Variants in TNFRSF19 observed in about 807,000 individuals in gnomAD.
The protein encoded by TNFRSF19 is tumor necrosis factor receptor superfamily member 19.
TNFRSF19 carries 27 observed loss-of-function variants against 46.4 expected under a neutral mutation model. That is an observed-to-expected ratio of 0.58 (90% CI 0.43 to 0.80). TNFRSF19 has a LOEUF of 0.80. TNFRSF19 is among the 30% of genes least tolerant of loss of function. TNFRSF19 has a pLI of 0.00. For synonymous variants in TNFRSF19, 204 were observed against 205.0 expected (o/e 1.00, Z 0.04); for missense variants, 511 against 530.8 (o/e 0.96, Z 0.37).
At chr13:23,591,601 C>A (rs570075713) in intron 2 of TNFRSF19, among the ~76,000 whole-genome samples, 5 of 151,920 alleles carry the variant, frequency 3.3e-5, no homozygotes, top group African/African-American at 9.7e-5. Flanking sequence ...ATTTCTTTCT[C>A]TTTACGGTCT....
In TNFRSF19 at chr13:23,642,713, C is replaced by T. The variant is rs562895901; in HGVS notation, c.445+15921C>T. 1.6e-3 allele frequency among the ~76,000 whole-genome samples: 248 copies of T among 152,278 alleles called. 1 individual carries two copies. The South Asian group carries it at 0.017, about 10-fold the overall frequency. ...AGTGGAGGGAGGCTCTATCTAAATC[C>T]TTTTAGAAATTTAAACTATGATCCC... On this transcript the variant is annotated intron_variant, in intron 5 of 9. Transcript: ENST00000248484.
chr13:23,592,251 C>G (rs1879362316), intron 2 of TNFRSF19, among the ~76,000 whole-genome samples: 1 of 152,098 alleles, frequency 6.6e-6, no homozygotes, highest in Admixed American at 6.5e-5. Context: ...CCAGTTCCTC[C>G]TAAGATTTTC....
At chr13:23,587,613 A>C (rs1430705698) in intron 1 of TNFRSF19, among the ~76,000 whole-genome samples, 1 of 152,202 alleles carries the variant, frequency 6.6e-6, no homozygotes, top group Non-Finnish European at 1.5e-5. Context: ...CCTGAATGGC[A>C]GGAGTCACTG....
intron 3 of TNFRSF19, among the ~76,000 whole-genome samples, chr13:23,615,647 C>T (rs534676860): frequency 6.6e-6 from 1 of 152,202 alleles, no homozygotes; most frequent in South Asian, 2.1e-4. Flanking sequence ...CTCATGCTCA[C>T]GGCTTCTTGA....
At chr13:23,624,823 T>C (rs375608706) in intron 4 of TNFRSF19, among the ~76,000 whole-genome samples, 19 of 152,080 alleles carry the variant, frequency 1.2e-4, no homozygotes, top group East Asian at 7.7e-4. Flanking sequence ...CGATCTTGGC[T>C]CACTGCAACC....
At chr13:23,634,025 A>C (rs1212462481) in intron 5 of TNFRSF19, among the ~76,000 whole-genome samples, 2 of 152,216 alleles carry the variant, frequency 1.3e-5, no homozygotes, top group African/African-American at 4.8e-5. Flanking sequence ...CCCTAATTTC[A>C]TTAAAGTTAC....
At chr13:23,622,946 AT>A (rs997682184) in intron 4 of TNFRSF19, among the ~76,000 whole-genome samples, 10 of 152,152 alleles carry the variant, frequency 6.6e-5, no homozygotes, top group Admixed American at 1.3e-4. Context: ...TTGTATATGC[AT>A]TTTTTTATTG....
chr13:23,593,529 T>A, intron 3 of TNFRSF19, 74 bp downstream of exon 3: 1 of 1,009,000 alleles, frequency 9.9e-7, no homozygotes, highest in Non-Finnish European at 1.5e-6. Context: ...TTCTTTGAGT[T>A]AATTATTAAT....
chr13:23,638,094 C>A (rs1593276998), intron 5 of TNFRSF19, among the ~76,000 whole-genome samples: 1 of 110,174 alleles, frequency 9.1e-6, no homozygotes, highest in South Asian at 2.6e-4. Flanking sequence ...TTTATGGTGT[C>A]TTTTCTGTTT....
chr13:23,626,185 A>ATGTGTGTGTG (rs1306222494), intron 4 of TNFRSF19, among the ~76,000 whole-genome samples: 5 of 75,906 alleles, frequency 6.6e-5, no homozygotes, highest in African/African-American at 2.9e-4. Flanking sequence ...TTTCTTTAAA[A>ATGTGTGTGTG]TCTGTGTGTG....
chr13:23,627,980 T>C (rs987989096), intron 5 of TNFRSF19, among the ~76,000 whole-genome samples: 1 of 152,172 alleles, frequency 6.6e-6, no homozygotes, highest in Admixed American at 6.5e-5. Context: ...TTATAATAGG[T>C]AAACATTCAC....
rs545831447 is a variant in TNFRSF19 at position 23,659,594 on chromosome 13, C to A, written c.610+380C>A. Among the ~76,000 whole-genome samples the A allele has an allele frequency of 3.3e-5, 5 of 152,234 alleles. No homozygotes were observed. The highest frequency in any genetic ancestry group is 1.2e-4 in the African/African-American group (5 of 41,540). Reference sequence around the variant, plus strand: ...TGACTTCAGCTCATGGCAACCTCTGCCTCCCGGATTCAAGTGATTCTCCTG... The same window carrying A: ...TGACTTCAGCTCATGGCAACCTCTGACTCCCGGATTCAAGTGATTCTCCTG... On this transcript the variant is annotated intron_variant, in intron 6 of 9. Transcript: ENST00000248484. The surrounding 1 kb of genome is among the most constrained non-coding windows in gnomAD (Gnocchi z 4.9).
intron 9 of TNFRSF19, among the ~76,000 whole-genome samples, chr13:23,670,723 C>A (rs1441603676): frequency 1.3e-5 from 2 of 152,232 alleles, no homozygotes; most frequent in Admixed American, 1.3e-4. Context: ...CAGAGAGCGT[C>A]CACTGACGGA....
In TNFRSF19 at chr13:23,667,933, C is replaced by G. The variant is rs926957679; in HGVS notation, c.737-47C>G. 3 of 1,475,078 alleles carry G rather than the reference C, an allele frequency of 2.0e-6. No individual in the cohort carries two copies. The East Asian group carries it at 7.4e-5, about 36-fold the overall frequency. The allele number at this position is 1,475,078 out of a possible 1,614,324, so 91.4% of individuals were successfully genotyped here. Reference sequence around the variant, plus strand: ...TGTTGAAGTGTTATTAAAGTGAAAGCTGCCAGAAGGAGGCACTGTGCTTCA... The same window carrying G: ...TGTTGAAGTGTTATTAAAGTGAAAGGTGCCAGAAGGAGGCACTGTGCTTCA... On this transcript the variant is annotated intron_variant, in intron 7 of 9. Coordinates refer to ENST00000248484, the MANE Select transcript of TNFRSF19 (RefSeq NM_148957.4).
Position 23,673,401 on chromosome 13 carries a change from G to A in TNFRSF19, c.*21G>A. On this transcript the variant is annotated 3_prime_UTR_variant, in exon 10 of 10. Transcript: ENST00000248484. ...CTTAAAGAACCTGCTTCTTTCTGCA[G>A]TAGAAGCGTGTGCTGGAACCCAAAG... 6.2e-7 allele frequency: 1 copy of A among 1,601,926 alleles called. No homozygotes were observed. The highest frequency in any genetic ancestry group is 8.5e-7 in the Non-Finnish European group (1 of 1,172,842).
intron 5 of TNFRSF19, among the ~76,000 whole-genome samples, chr13:23,640,662 G>A (rs1372965873): frequency 6.6e-6 from 1 of 152,180 alleles, no homozygotes; most frequent in Non-Finnish European, 1.5e-5. Flanking sequence ...GTTCATCTGA[G>A]AATGTTCACC....
At chr13:23,592,747 G>A (rs1879405942) in intron 2 of TNFRSF19, among the ~76,000 whole-genome samples, 1 of 152,160 alleles carries the variant, frequency 6.6e-6, no homozygotes, top group African/African-American at 2.4e-5. Flanking sequence ...ATCCTCTAAG[G>A]AAATGTAGTT....
rs766164993 is a variant in TNFRSF19 at position 23,632,005 on chromosome 13, CTGTT to C, written c.445+5217_445+5220del. Among the ~76,000 whole-genome samples, 27 of 152,282 alleles carry C rather than the reference CTGTT, an allele frequency of 1.8e-4. No homozygotes were observed. In the East Asian group the frequency reaches 3.5e-3, roughly 20 times the overall value. ...CTGGGAATGTCATGTGATTTTTACT[CTGTT>C]TGTGGATGGTTTTTTGTTTCTGCAG... On this transcript the variant is annotated intron_variant, in intron 5 of 9. Coordinates refer to ENST00000248484, the MANE Select transcript of TNFRSF19 (RefSeq NM_148957.4).
intron 3 of TNFRSF19, among the ~76,000 whole-genome samples, chr13:23,602,773 G>A (rs775962458): frequency 1.3e-5 from 2 of 152,090 alleles, no homozygotes; most frequent in Non-Finnish European, 2.9e-5. Flanking sequence ...ATGGGTCAAA[G>A]AGGATATTGC....
Sources: allele counts gnomAD v4.1 joint callset (sites outside exome capture counted in the v4.1 genomes callset), GRCh38; gene constraint gnomAD v4.1.1; non-coding constraint Gnocchi (gnomAD v3.1); transcripts MANE v1.5; gene names NCBI Gene and HGNC (gene_info 2026-07-23, HGNC 2026-07-21).